The following WDFY3 variants were observed in gnomAD, a reference collection of about 807,000 sequenced individuals.
WDFY3 encodes the protein WD repeat and FYVE domain containing 3, also known as WD repeat and FYVE domain-containing protein 3.
Under a neutral mutation model 409.6 loss-of-function variants are expected in WDFY3, and 66 were observed. That is an observed-to-expected ratio of 0.16 (90% CI 0.13 to 0.20). WDFY3 has a LOEUF of 0.20. Ranked by LOEUF, WDFY3 falls within the 10% of genes least tolerant of loss-of-function variation. The pLI is 1.00. For synonymous variants in WDFY3, 1,521 were observed against 1,537.1 expected (o/e 0.99, Z 0.25); for missense variants, 3,031 against 4,298.1 (o/e 0.71, Z 8.24).
intron 3 of WDFY3, among the ~76,000 whole-genome samples, chr4:84,863,840 C>T (rs1490075996): frequency 6.6e-6 from 1 of 152,182 alleles, no homozygotes; most frequent in African/African-American, 2.4e-5. Context: ...TGTTGAAGAT[C>T]AGCTGACTGT....
chr4:84,844,361 T>G (rs1211366250), intron 5 of WDFY3: 8 of 1,146,148 alleles, frequency 7.0e-6, no homozygotes, highest in Middle Eastern at 2.4e-4. Context: ...AAAAAAAAAT[T>G]CCACAAGTTA....
At chr4:84,923,389 C>T (rs536740826) in intron 2 of WDFY3, among the ~76,000 whole-genome samples, 4 of 152,230 alleles carry the variant, frequency 2.6e-5, no homozygotes, top group South Asian at 2.1e-4. Flanking sequence ...CAAGCCCCCC[C>T]ACCTTATTAC....
chr4:84,867,641 TAAAC>T (rs1407187102), intron 3 of WDFY3, among the ~76,000 whole-genome samples: 6 of 152,226 alleles, frequency 3.9e-5, no homozygotes. Flanking sequence ...CAAAATCATT[TAAAC>T]AGTTTTCCAT....
At chr4:84,780,567 A>G (rs1746314487) in intron 25 of WDFY3, among the ~76,000 whole-genome samples, 2 of 151,942 alleles carry the variant, frequency 1.3e-5, no homozygotes, top group Non-Finnish European at 2.9e-5. Context: ...GACTAGTCTG[A>G]CCAACATGGT....
chr4:84,678,775 G>GTA (rs1726801249), intron 65 of WDFY3, 144 bp downstream of exon 65: 2 of 857,536 alleles, frequency 2.3e-6, no homozygotes, highest in African/African-American at 3.4e-5. Context: ...GGCCTTCTGT[G>GTA]TAAAGAGGCA....
chr4:84,931,649 T>C (rs1242405898), intron 2 of WDFY3, among the ~76,000 whole-genome samples: 2 of 152,152 alleles, frequency 1.3e-5, no homozygotes, highest in Non-Finnish European at 2.9e-5. Context: ...CTCCAAAAGT[T>C]TTCCCATTTT....
intron 10 of WDFY3, among the ~76,000 whole-genome samples, chr4:84,823,562 C>G (rs1578686094): frequency 6.6e-6 from 1 of 151,920 alleles, no homozygotes. Flanking sequence ...AGAACTTATA[C>G]AGAATATCTA....
chr4:84,841,593 A>C (rs1432534797), intron 5 of WDFY3, among the ~76,000 whole-genome samples: 1 of 152,200 alleles, frequency 6.6e-6, no homozygotes, highest in Non-Finnish European at 1.5e-5. Flanking sequence ...TTAAGGGTGC[A>C]GAGAAAATAA....
chr4:84,857,778 AAGTAAGGAAATGTACATTCTAT>A (rs1759976514), intron 4 of WDFY3, among the ~76,000 whole-genome samples: 1 of 152,116 alleles, frequency 6.6e-6, no homozygotes, highest in South Asian at 2.1e-4. Flanking sequence ...ATTATTTCAT[AAGTAAGGAAATGTACATTCTAT>A]AAATGCGTTA....
At chr4:84,934,361 T>A (rs2150982423) in intron 1 of WDFY3, among the ~76,000 whole-genome samples, 1 of 152,290 alleles carries the variant, frequency 6.6e-6, no homozygotes, top group Non-Finnish European at 1.5e-5. Context: ...GCTCATTTTT[T>A]AAATCAGATT....
intron 60 of WDFY3, among the ~76,000 whole-genome samples, chr4:84,691,100 G>T (rs888788397): frequency 2.0e-5 from 3 of 152,156 alleles, no homozygotes; most frequent in Admixed American, 2.0e-4. Flanking sequence ...GATTCTTTTC[G>T]TCTTGCATTT....
intron 6 of WDFY3, among the ~76,000 whole-genome samples, chr4:84,839,876 A>C (rs1227133047): frequency 6.6e-6 from 1 of 151,434 alleles, no homozygotes; most frequent in Non-Finnish European, 1.5e-5. Context: ...AAAAGAAAGA[A>C]AAAAAAAAGA....
At chr4:84,963,466 G>A (rs1173292262) in intron 1 of WDFY3, among the ~76,000 whole-genome samples, 3 of 151,762 alleles carry the variant, frequency 2.0e-5, no homozygotes, top group Non-Finnish European at 4.4e-5. Flanking sequence ...AAAAGAAGAG[G>A]GGAAATTCGT....
At chr4:84,899,545 C>T (rs1025127209) in intron 2 of WDFY3, among the ~76,000 whole-genome samples, 2 of 152,184 alleles carry the variant, frequency 1.3e-5, no homozygotes, top group African/African-American at 4.8e-5. Context: ...TAGCAAATTA[C>T]AGCCATGTAC....
In WDFY3 at chr4:84,820,072, CT is replaced by C. The variant is rs536173959; in HGVS notation, c.1693+12del. ...AATCTCCCAAAGTATTTGCTTGCAG[CT>C]TTTTAAATTACCTGCATTTGTGTTT... On this transcript the variant is annotated intron_variant, in intron 12 of 67. Transcript: ENST00000295888. 6.9e-5 allele frequency: 110 copies of C among 1,585,502 alleles called. No individual in the cohort carries two copies. The highest frequency in any genetic ancestry group is 9.0e-5 in the Non-Finnish European group (105 of 1,165,462).
At position 84,718,433 on chromosome 4, in the gene WDFY3, G is replaced by A; in HGVS notation, c.7743C>T (p.Thr2581=). 6.2e-7 allele frequency: 1 copy of A among 1,613,432 alleles called. No individual in the cohort carries two copies. Among genetic ancestry groups the A allele is most frequent in the South Asian group, 1.1e-5 (1 of 91,016 alleles). The change falls in exon 48 of 68, where the codon ACC becomes ACT. Residue 2581 remains threonine (T), a synonymous_variant. Coordinates refer to ENST00000295888, the MANE Select transcript of WDFY3 (RefSeq NM_014991.6). The part of the protein sequence containing the change: ...TATREIRDIE[T]LPPNMHEPII... ...ATTCATTTACTTACTTTGGAGGTAA[G>A]GTTTCAATATCTCTTATTTCCCTGG...
At chr4:84,908,638 T>G (rs537147912) in intron 2 of WDFY3, among the ~76,000 whole-genome samples, 1 of 152,292 alleles carries the variant, frequency 6.6e-6, no homozygotes, top group East Asian at 1.9e-4. Flanking sequence ...AGCCCAACTC[T>G]TTGTATATTT....
chr4:84,921,046 A>G (rs1408809123), intron 2 of WDFY3, among the ~76,000 whole-genome samples: 1 of 152,152 alleles, frequency 6.6e-6, no homozygotes, highest in East Asian at 1.9e-4. Context: ...ATAGGTAGGA[A>G]AGAACTTAAT....
chr4:84,770,402 T>C (rs1341066026), intron 30 of WDFY3, among the ~76,000 whole-genome samples: 1 of 152,176 alleles, frequency 6.6e-6, no homozygotes, highest in African/African-American at 2.4e-5. Flanking sequence ...AAACATAACT[T>C]TTACAGCACT....
Sources: allele counts gnomAD v4.1 joint callset (sites outside exome capture counted in the v4.1 genomes callset), GRCh38; gene constraint gnomAD v4.1.1; transcripts MANE v1.5; gene names NCBI Gene and HGNC (gene_info 2026-07-23, HGNC 2026-07-21).